S100Z: variants seen among roughly 807,000 people sequenced by gnomAD.
The protein encoded by S100Z is protein S100-Z.
S100Z carries 11 observed loss-of-function variants against 8.5 expected under a neutral mutation model. The ratio of observed to expected loss-of-function variants is 1.30; its 90% CI spans 0.82 to 2.15. S100Z has a LOEUF of 2.15. Among genes scored for constraint, S100Z ranks in the 30% most tolerant of loss-of-function variants. The pLI, the probability that S100Z is intolerant of heterozygous loss-of-function variation, is 0.00. For missense variants in S100Z, 126 were observed against 117.9 expected (o/e 1.07, Z -0.32); for synonymous variants, 34 against 43.8 (o/e 0.78, Z 0.89).
At chr5:76,931,298 A>G in the S100Z span, among the ~76,000 whole-genome samples, 1 of 151,842 alleles carries the variant, frequency 6.6e-6, no homozygotes, top group Non-Finnish European at 1.5e-5. Context: ...TTTTTTGTAG[A>G]GACAGGGTTT....
At chr5:76,949,095 TA>T in the S100Z span, among the ~76,000 whole-genome samples, 2 of 152,128 alleles carry the variant, frequency 1.3e-5, no homozygotes, top group Non-Finnish European at 2.9e-5. Flanking sequence ...GAAGTTAAAA[TA>T]AAAGTTTTTA....
intron 3 of S100Z, 151 bp from the exon 4 acceptor site, chr5:76,877,523 T>G (rs948324424): frequency 2.9e-5 from 17 of 586,196 alleles, no homozygotes. Flanking sequence ...TCGTGGCTGG[T>G]TTACACCTAC....
intron 4 of S100Z, among the ~76,000 whole-genome samples, chr5:76,906,064 A>G (rs1744412547): frequency 2.0e-5 from 3 of 152,190 alleles, no homozygotes. Flanking sequence ...TCCTGGGCTC[A>G]AGCAATTCCC....
intron 4 of S100Z, among the ~76,000 whole-genome samples, chr5:76,906,976 G>GTATATATATA (rs869046562): frequency 3.7e-4 from 8 of 21,788 alleles, no homozygotes; most frequent in South Asian, 8.8e-4. Flanking sequence ...TTGTGTGTGT[G>GTATATATATA]TATATATATA....
At chr5:76,911,026 G>A (rs1336124125) in intron 4 of S100Z, among the ~76,000 whole-genome samples, 1 of 152,156 alleles carries the variant, frequency 6.6e-6, no homozygotes, top group Admixed American at 6.5e-5. Flanking sequence ...TGAGGAACAA[G>A]TTACCCATTT....
At chr5:76,876,928 C>A (rs747325387) in intron 3 of S100Z, among the ~76,000 whole-genome samples, 3 of 152,082 alleles carry the variant, frequency 2.0e-5, no homozygotes, top group African/African-American at 7.2e-5. Flanking sequence ...TTCCAACCTT[C>A]GTGAACCTTG....
intron 4 of S100Z, among the ~76,000 whole-genome samples, chr5:76,904,122 T>G (rs1218831970): frequency 2.0e-5 from 3 of 152,204 alleles, no homozygotes; most frequent in Non-Finnish European, 2.9e-5. Flanking sequence ...TTCTTGAGTT[T>G]TAAGAGTTCT....
At position 76,877,789 on chromosome 5, in the gene S100Z, G is replaced by A; in HGVS notation, c.257G>A (p.Cys86Tyr). The A allele has an allele frequency of 6.2e-7, 1 of 1,613,576 alleles. No homozygotes were observed. The change falls in exon 4 of 5, where the codon TGT becomes TAT. Residue 86 changes from cysteine (C) to tyrosine (Y), a missense_variant. Cys to Tyr is a radical substitution (Grantham distance 194, BLOSUM62 -2). Transcript: ENST00000317593. ...VVMVAALTVA[C>Y]NDYFVEQLKK... ...ATGGTGGCAGCTCTGACAGTTGCTT[G>A]TAATGATTACTTTGTAGAACAATTG... is the stretch of plus-strand genomic sequence containing the variant.
intron 4 of S100Z, among the ~76,000 whole-genome samples, chr5:76,905,239 T>A (rs1744384350): frequency 6.6e-6 from 1 of 152,162 alleles, no homozygotes; most frequent in African/African-American, 2.4e-5. Context: ...TCTTACTATG[T>A]TACCCAGGCT....
intron 4 of S100Z, among the ~76,000 whole-genome samples, chr5:76,888,656 G>A (rs868632165): frequency 2.0e-5 from 3 of 151,990 alleles, no homozygotes; most frequent in African/African-American, 7.2e-5. Context: ...GATTACAGGC[G>A]TGAGCCACCG....
intron 1 of S100Z, among the ~76,000 whole-genome samples, chr5:76,853,796 T>TA (rs769640944): frequency 0.025 from 3,412 of 138,078 alleles, 123 homozygotes; most frequent in African/African-American, 0.081. Flanking sequence ...GACTCCATCT[T>TA]AAAAAAAAAA....
At chr5:76,936,632 C>CACAA in the S100Z span, among the ~76,000 whole-genome samples, 1 of 139,682 alleles carries the variant, frequency 7.2e-6, no homozygotes, top group South Asian at 2.3e-4. Flanking sequence ...CACACACACA[C>CACAA]ACACACACAC....
the S100Z span, among the ~76,000 whole-genome samples, chr5:76,938,404 A>G: frequency 1.3e-5 from 2 of 152,142 alleles, no homozygotes; most frequent in African/African-American, 4.8e-5. Flanking sequence ...TTTATGAACC[A>G]CTTTGCAGAA....
intron 1 of S100Z, among the ~76,000 whole-genome samples, chr5:76,856,353 C>A (rs796090103): frequency 3.3e-5 from 5 of 152,270 alleles, no homozygotes; most frequent in African/African-American, 1.2e-4. Flanking sequence ...GTGCATGGCA[C>A]CACACCTGGC....
chr5:76,923,046 C>A (rs185009470), downstream of S100Z, among the ~76,000 whole-genome samples: 2 of 148,686 alleles, frequency 1.3e-5, no homozygotes, highest in African/African-American at 4.9e-5. Flanking sequence ...TAAAAAAACA[C>A]AATACCATAT....
intron 1 of S100Z, among the ~76,000 whole-genome samples, chr5:76,857,125 C>A (rs1482740719): frequency 6.6e-6 from 1 of 152,060 alleles, no homozygotes; most frequent in Admixed American, 6.5e-5. Flanking sequence ...AACCCCGTCT[C>A]TACTAAGAAT....
downstream of S100Z, among the ~76,000 whole-genome samples, chr5:76,925,308 C>G (rs968842825): frequency 6.6e-6 from 1 of 152,088 alleles, no homozygotes; most frequent in African/African-American, 2.4e-5. Context: ...GGGGTGTGAA[C>G]GCCAAGAGGC....
chr5:76,943,093 G>A, the S100Z span, among the ~76,000 whole-genome samples: 2 of 152,162 alleles, frequency 1.3e-5, no homozygotes, highest in East Asian at 1.9e-4. Flanking sequence ...ATGTGCCACA[G>A]TGGGGGGGTT....
chr5:76,900,157 T>C (rs1264056894), intron 4 of S100Z, among the ~76,000 whole-genome samples: 1 of 152,198 alleles, frequency 6.6e-6, no homozygotes, highest in Non-Finnish European at 1.5e-5. Flanking sequence ...GCTTTTAGGA[T>C]CCTTTCTTTT....
Sources: gnomAD v4.1 joint callset for allele counts (sites outside exome capture counted in the v4.1 genomes callset) on GRCh38, gnomAD v4.1.1 for gene constraint, MANE v1.5 for transcripts, NCBI Gene and HGNC (gene_info 2026-07-23, HGNC 2026-07-21) for gene names.